Variants in NFIC observed in about 807,000 individuals in gnomAD.
NFIC encodes nuclear factor I C.
In NFIC, 12 loss-of-function variants were observed where a neutral mutation model predicts 54.4. The observed-to-expected ratio is 0.22, with a 90% CI of 0.14 to 0.36. The LOEUF (loss-of-function observed/expected upper bound fraction) is 0.36, where lower values mean the gene tolerates loss of function less well. Ranked by LOEUF, NFIC falls within the 10% of genes least tolerant of loss-of-function variation. The pLI is 1.00. For missense variants in NFIC, 575 were observed against 718.2 expected (o/e 0.80, Z 2.28); for synonymous variants, 322 against 319.2 (o/e 1.01, Z -0.09).
intron 3 of NFIC, among the ~76,000 whole-genome samples, chr19:3,429,577 C>T (rs1287815699): frequency 2.6e-5 from 4 of 152,066 alleles, no homozygotes; most frequent in Non-Finnish European, 4.4e-5. Flanking sequence ...GGCAACAGAG[C>T]AAAATTCTGT....
intron 2 of NFIC, among the ~76,000 whole-genome samples, chr19:3,409,190 C>T (rs1427983916): frequency 6.6e-6 from 1 of 152,190 alleles, no homozygotes; most frequent in Non-Finnish European, 1.5e-5. Context: ...CACCACGCTG[C>T]AGCCTGGGGT....
chr19:3,410,753 T>C (rs1457103558), intron 2 of NFIC: 1 of 152,264 alleles, frequency 6.6e-6, no homozygotes, highest in Non-Finnish European at 1.5e-5. Context: ...GTCCCCTCCG[T>C]AAGCTCCTCT....
At chr19:3,384,059 T>G (rs888390605) in intron 2 of NFIC, among the ~76,000 whole-genome samples, 8 of 150,570 alleles carry the variant, frequency 5.3e-5, no homozygotes, top group African/African-American at 2.0e-4. Context: ...GTTTTTTTTT[T>G]TTTTTTTTTC....
rs374469121 is a variant in NFIC at position 3,467,212 on chromosome 19, G to GCCCCCCCCCCCCCCCC, written c.*4454_*4455insCCCCCCCCCCCCCCCC. 4 of 88,222 alleles carry GCCCCCCCCCCCCCCCC rather than the reference G, an allele frequency of 4.5e-5. No homozygotes were observed. Among genetic ancestry groups the GCCCCCCCCCCCCCCCC allele is most frequent in the African/African-American group, 4.8e-5 (1 of 20,806 alleles). 5.5% of individuals were successfully genotyped at this position (88,222 alleles called of 1,614,324 possible). A position where few individuals can be genotyped will look rare whatever the true frequency, so the allele number is the denominator to read the frequency against. Reference sequence around the variant, plus strand: ...GCTATGGACACCACACCTATGCCAGGCCCCCCCCCCCACCCCAGTCTCATT... The same window carrying GCCCCCCCCCCCCCCCC: ...GCTATGGACACCACACCTATGCCAGGCCCCCCCCCCCCCCCCCCCCCCCCCCCACCCCAGTCTCATT... On this transcript the variant is annotated 3_prime_UTR_variant, in exon 11 of 11. Coordinates refer to ENST00000443272, the MANE Select transcript of NFIC (RefSeq NM_001245002.2).
intron 3 of NFIC, among the ~76,000 whole-genome samples, chr19:3,429,231 C>CCAA (rs1413610827): frequency 2.7e-4 from 10 of 36,738 alleles, no homozygotes; most frequent in African/African-American, 1.2e-3. Context: ...ATCTCTACCC[C>CCAA]AAAAAAAAAA....
intron 2 of NFIC, among the ~76,000 whole-genome samples, chr19:3,389,183 T>C (rs1277954245): frequency 1.3e-5 from 2 of 152,080 alleles, no homozygotes; most frequent in East Asian, 1.9e-4. Flanking sequence ...GTGAACCCTA[T>C]GGAAGGGGAC....
At chr19:3,404,880 CGGGGTCCCCA>C (rs1376043118) in intron 2 of NFIC, among the ~76,000 whole-genome samples, 9 of 152,236 alleles carry the variant, frequency 5.9e-5, no homozygotes, top group South Asian at 2.1e-4. Context: ...AGAGTGACAC[CGGGGTCCCCA>C]GGGGTCCCCA....
In NFIC at chr19:3,381,763, G is replaced by A; in HGVS notation, c.82G>A (p.Ala28Thr). The A allele has an allele frequency of 4.3e-6, 7 of 1,613,800 alleles. No individual in the cohort carries two copies. Among genetic ancestry groups the A allele is most frequent in the Non-Finnish European group, 5.9e-6 (7 of 1,179,940 alleles). Residue 28 changes from alanine to threonine, a missense_variant, in exon 2 of 11, where the codon GCC (alanine) becomes ACC (threonine). This residue lies in a region of NFIC where 122 missense variants were observed against 158.0 expected (regional missense o/e 0.77). Transcript: ENST00000443272. The part of the protein sequence containing the change: ...EALLPHVRAF[A>T]YTWFNLQARK... ...CCTGCTGCCTCACGTCCGCGCCTTCGCCTACACCTGGTTCAACCTGCAGGC... is the reference window on the plus strand; with the variant it reads ...CCTGCTGCCTCACGTCCGCGCCTTCACCTACACCTGGTTCAACCTGCAGGC...
chr19:3,366,599 C>G lies in NFIC; in HGVS notation c.-38C>G, dbSNP rs758097116. ...AAATGACTCAGTAAGTTCAGCGCGCCCGCTCCGGCCGGCCCTGCGCCTCCC... is the reference window on the plus strand; with the variant it reads ...AAATGACTCAGTAAGTTCAGCGCGCGCGCTCCGGCCGGCCCTGCGCCTCCC... On this transcript the variant is annotated 5_prime_UTR_variant, in exon 1 of 11. Transcript: ENST00000443272. 5.0e-6 allele frequency: 7 copies of G among 1,402,852 alleles called. No individual in the cohort carries two copies. The highest frequency in any genetic ancestry group is 1.3e-5 in the South Asian group (1 of 74,630). The allele number at this position is 1,402,852 out of a possible 1,614,324, so 86.9% of individuals were successfully genotyped here. A position where few individuals can be genotyped will look rare whatever the true frequency, so the allele number is the denominator to read the frequency against.
intron 2 of NFIC, among the ~76,000 whole-genome samples, chr19:3,394,663 G>A (rs986176442): frequency 2.9e-4 from 44 of 151,670 alleles, no homozygotes; most frequent in Admixed American, 1.3e-4. Context: ...CCCGACCCCC[G>A]GGCCACAGAC....
At chr19:3,395,663 A>AT (rs1330712984) in intron 2 of NFIC, among the ~76,000 whole-genome samples, 1 of 151,122 alleles carries the variant, frequency 6.6e-6, no homozygotes, top group African/African-American at 2.4e-5. Context: ...CGCCTGGCTG[A>AT]TTTTTTATTT....
upstream of NFIC, among the ~76,000 whole-genome samples, chr19:3,362,831 T>C (rs4806922): frequency 0.15 from 22,360 of 152,058 alleles, 2,010 homozygotes; most frequent in African/African-American, 0.24. Context: ...CACACTGCAC[T>C]GCTGTGTAAT....
At chr19:3,415,458 G>C (rs2081839020) in intron 2 of NFIC, among the ~76,000 whole-genome samples, 1 of 151,958 alleles carries the variant, frequency 6.6e-6, no homozygotes, top group South Asian at 2.1e-4. Flanking sequence ...ATCCTATTTT[G>C]TTCTACACAG....
intron 1 of NFIC, among the ~76,000 whole-genome samples, chr19:3,376,968 G>A (rs2081118999): frequency 6.6e-6 from 1 of 151,590 alleles, no homozygotes; most frequent in African/African-American, 2.4e-5. Context: ...GACCTCAGAT[G>A]ATCCACCCAC....
Position 3,453,690 on chromosome 19 carries a change from G to A in NFIC, c.1270-73G>A. Reference sequence around the variant, plus strand: ...CCGTCCGGGCCGTGCACAGAGCCGGGGGCGGCCGGCGCCAGCAGCCCGAGG... The same window carrying A: ...CCGTCCGGGCCGTGCACAGAGCCGGAGGCGGCCGGCGCCAGCAGCCCGAGG... On this transcript the variant is annotated intron_variant, in intron 8 of 10. Transcript: ENST00000443272. This position sits in a 1 kb window ranked among gnomAD's most constrained non-coding sequence, Gnocchi z 6.7. 1 of 1,516,182 alleles carries A rather than the reference G, an allele frequency of 6.6e-7. No individual in the cohort carries two copies. Among genetic ancestry groups the A allele is most frequent in the Non-Finnish European group, 8.8e-7 (1 of 1,137,928 alleles). 93.9% of individuals were successfully genotyped at this position (1,516,182 alleles called of 1,614,324 possible). A position where few individuals can be genotyped will look rare whatever the true frequency, so the allele number is the denominator to read the frequency against.
At position 3,464,629 on chromosome 19, in the gene NFIC, T is replaced by C; in HGVS notation, c.*1860T>C. 1.1e-6 allele frequency: 1 copy of C among 941,910 alleles called. No homozygotes were observed. Among genetic ancestry groups the C allele is most frequent in the Non-Finnish European group, 1.2e-6 (1 of 800,696 alleles). 58.3% of individuals were successfully genotyped at this position (941,910 alleles called of 1,614,324 possible). The stretch of plus-strand genomic sequence containing the variant: ...GCCAAAGCCAGGGCAGGTCTCCGGG[T>C]CTCACCTGCTCCTAGCCTCACCCCC... On this transcript the variant is annotated 3_prime_UTR_variant, in exon 11 of 11. Transcript: ENST00000443272.
chr19:3,393,420 T>C (rs770758019), intron 2 of NFIC, among the ~76,000 whole-genome samples: 1 of 152,038 alleles, frequency 6.6e-6, no homozygotes, highest in Non-Finnish European at 1.5e-5. Flanking sequence ...AGTCCTGAAA[T>C]CCCCAAGGCC....
At position 3,464,279 on chromosome 19, in the gene NFIC, G is replaced by A. The variant is rs2082685728; in HGVS notation, c.*1510G>A. ...CCCGCTCGGAACGGGGAGGGTTTTCGGGGGGTTCGGCGTCGCACCTTGGGG... is the reference window on the plus strand; with the variant it reads ...CCCGCTCGGAACGGGGAGGGTTTTCAGGGGGTTCGGCGTCGCACCTTGGGG... On this transcript the variant is annotated 3_prime_UTR_variant, in exon 11 of 11. Coordinates refer to ENST00000443272, the MANE Select transcript of NFIC (RefSeq NM_001245002.2). 3 of 985,318 alleles carry A rather than the reference G, an allele frequency of 3.0e-6. No individual in the cohort carries two copies. The highest frequency in any genetic ancestry group is 3.6e-6 in the Non-Finnish European group (3 of 829,890). The allele number at this position is 985,318 out of a possible 1,614,324, so 61.0% of individuals were successfully genotyped here.
Position 3,463,658 on chromosome 19 carries a change from C to A in NFIC, c.*889C>A, listed in dbSNP as rs1360443637. Reference sequence around the variant, plus strand: ...CCACCCCCGGCATAGGAGGCCCCCCCACCTCGCCCGGCTCACACCCCCAAA... The same window carrying A: ...CCACCCCCGGCATAGGAGGCCCCCCAACCTCGCCCGGCTCACACCCCCAAA... On this transcript the variant is annotated 3_prime_UTR_variant, in exon 11 of 11. Coordinates refer to ENST00000443272, the MANE Select transcript of NFIC (RefSeq NM_001245002.2). 7 of 981,280 alleles carry A rather than the reference C, an allele frequency of 7.1e-6. No individual in the cohort carries two copies. Among genetic ancestry groups the A allele is most frequent in the Middle Eastern group, 5.2e-4 (1 of 1,910 alleles). The allele number at this position is 981,280 out of a possible 1,614,324, so 60.8% of individuals were successfully genotyped here. A position where few individuals can be genotyped will look rare whatever the true frequency, so the allele number is the denominator to read the frequency against.
Sources: allele counts gnomAD v4.1 joint callset (sites outside exome capture counted in the v4.1 genomes callset), GRCh38; gene constraint gnomAD v4.1.1; regional missense constraint gnomAD v4.1.1; non-coding constraint Gnocchi (gnomAD v3.1); transcripts MANE v1.5; gene names NCBI Gene and HGNC (gene_info 2026-07-23, HGNC 2026-07-21).